ASAP2: variants seen among roughly 807,000 people sequenced by gnomAD.
ASAP2 encodes the protein ArfGAP with SH3 domain, ankyrin repeat and PH domain 2, also known as arf-GAP with SH3 domain, ANK repeat and PH domain-containing protein 2.
In ASAP2, 45 loss-of-function variants were observed where a neutral mutation model predicts 131.4. That is an observed-to-expected ratio of 0.34 (90% CI 0.27 to 0.44). ASAP2 has a LOEUF of 0.44. ASAP2 is among the 20% of genes least tolerant of loss of function. ASAP2 has a pLI of 1.00. For missense variants in ASAP2, 1,011 were observed against 1,297.0 expected (o/e 0.78, Z 3.39); for synonymous variants, 510 against 503.0 (o/e 1.01, Z -0.19).
intron 1 of ASAP2, among the ~76,000 whole-genome samples, chr2:9,215,261 G>A (rs551983631): frequency 2.5e-4 from 38 of 152,300 alleles, no homozygotes; most frequent in African/African-American, 9.1e-4. Context: ...GGTCGTCTGT[G>A]TGGTTCATTG....
At chr2:9,368,649 T>C (rs1163537938) in intron 16 of ASAP2, 130 bp downstream of exon 16, 3 of 724,094 alleles carry the variant, frequency 4.1e-6, no homozygotes, top group Non-Finnish European at 6.9e-6. Context: ...TCAGCCTATG[T>C]TGGGTTTTCT....
chr2:9,384,397 C>T (rs1675099709), intron 20 of ASAP2, among the ~76,000 whole-genome samples: 1 of 152,192 alleles, frequency 6.6e-6, no homozygotes, highest in Admixed American at 6.5e-5. Context: ...GCAGCAGACA[C>T]CAGCTGGCTG....
At chr2:9,229,781 G>C (rs975727790) in intron 1 of ASAP2, among the ~76,000 whole-genome samples, 1 of 152,254 alleles carries the variant, frequency 6.6e-6, no homozygotes, top group South Asian at 2.1e-4. Flanking sequence ...GAGCCTAAGA[G>C]GGGGAGACAG....
At chr2:9,350,749 G>T in intron 11 of ASAP2, 59 bp from the exon 12 acceptor site, 1 of 1,451,366 alleles carries the variant, frequency 6.9e-7, no homozygotes, top group South Asian at 1.2e-5. Context: ...GATACTGTAT[G>T]ATTTTCCATT....
At chr2:9,401,170 AG>A in intron 26 of ASAP2, 103 bp from the exon 27 acceptor site, 1 of 1,439,690 alleles carries the variant, frequency 6.9e-7, no homozygotes, top group Non-Finnish European at 9.6e-7. Context: ...TCTCAGGCCT[AG>A]GTACGGGACT....
At chr2:9,296,014 C>T (rs1294752462) in intron 2 of ASAP2, among the ~76,000 whole-genome samples, 2 of 152,210 alleles carry the variant, frequency 1.3e-5, no homozygotes, top group Non-Finnish European at 2.9e-5. Context: ...ACAGTGGTCT[C>T]ATTTCCCCGA....
chr2:9,279,132 A>T (rs1323309622), intron 1 of ASAP2, among the ~76,000 whole-genome samples, 185 bp from the exon 2 acceptor site: 1 of 152,192 alleles, frequency 6.6e-6, no homozygotes, highest in African/African-American at 2.4e-5. Context: ...CCAGTCTTCC[A>T]CACCACACTG....
rs113268385 is a variant in ASAP2, at chr2:9,316,943, A to C, written c.346-1581A>C. Among the ~76,000 whole-genome samples the C allele has an allele frequency of 7.9e-3, 518 of 65,400 alleles. 2 individuals are homozygous for C. The highest frequency in any genetic ancestry group is 0.03 in the African/African-American group (486 of 15,942). The allele number at this position is 65,400 out of a possible 152,430, so 42.9% of individuals were successfully genotyped here. On this transcript the variant is annotated intron_variant, in intron 3 of 27. Coordinates refer to ENST00000281419, the MANE Select transcript of ASAP2 (RefSeq NM_003887.3). ...CACACCCCCTCACAATCACACCCTC[A>C]CTCTCACACCCTCCCACACACCCCC...
intron 27 of ASAP2, among the ~76,000 whole-genome samples, chr2:9,402,021 A>G (rs912153420): frequency 6.6e-6 from 1 of 152,226 alleles, no homozygotes; most frequent in Non-Finnish European, 1.5e-5. Flanking sequence ...AACCGGCTTG[A>G]ATGGGGCGTG....
intron 2 of ASAP2, among the ~76,000 whole-genome samples, chr2:9,280,137 G>A (rs372161354): frequency 8.9e-4 from 136 of 152,360 alleles, no homozygotes; most frequent in African/African-American, 3.1e-3. Context: ...CTCAGGTGCA[G>A]ATAGAGTTTG....
At chr2:9,265,101 A>G (rs1392199940) in intron 1 of ASAP2, among the ~76,000 whole-genome samples, 3 of 152,268 alleles carry the variant, frequency 2.0e-5, no homozygotes, top group Non-Finnish European at 2.9e-5. Flanking sequence ...ACACCACTGC[A>G]CTTCAGCCTG....
chr2:9,321,900 T>C (rs1670169822), intron 5 of ASAP2, among the ~76,000 whole-genome samples: 1 of 152,326 alleles, frequency 6.6e-6, no homozygotes, highest in Non-Finnish European at 1.5e-5. Context: ...AATAATTCTT[T>C]ATTAATGTGG....
rs530763176 is a variant in ASAP2 at position 9,321,214 on chromosome 2, T to TA, written c.470+887dup. 1.8e-4 allele frequency among the ~76,000 whole-genome samples: 27 copies of TA among 150,258 alleles called. No individual in the cohort carries two copies. In the East Asian group the frequency reaches 2.3e-3, roughly 13 times the overall value. On this transcript the variant is annotated intron_variant, in intron 5 of 27. Transcript: ENST00000281419. ...AGTACAAGTATTTCATTAGATTGTT[T>TA]AAAAAAAAAATAGCTCAGGATATCT...
rs1661184097 is a variant in ASAP2, at chr2:9,207,299, A to T, written c.126+69A>T. On this transcript the variant is annotated intron_variant, in intron 1 of 27. Coordinates refer to ENST00000281419, the MANE Select transcript of ASAP2 (RefSeq NM_003887.3). This position sits in a 1 kb window ranked among gnomAD's most constrained non-coding sequence, Gnocchi z 4.1. ...CCCCAGCCCCGCCCGCCGCTCCCGCATCCGCATCCCGAGAAAACTTTCTTT... is the reference window on the plus strand; with the variant it reads ...CCCCAGCCCCGCCCGCCGCTCCCGCTTCCGCATCCCGAGAAAACTTTCTTT... The T allele has an allele frequency of 3.5e-6, 5 of 1,446,782 alleles. No individual in the cohort carries two copies. Among genetic ancestry groups the T allele is most frequent in the Non-Finnish European group, 3.6e-6 (4 of 1,101,940 alleles). The allele number at this position is 1,446,782 out of a possible 1,614,324, so 89.6% of individuals were successfully genotyped here.
At chr2:9,398,444 C>T (rs555152479) in intron 24 of ASAP2, among the ~76,000 whole-genome samples, 6 of 152,052 alleles carry the variant, frequency 3.9e-5, no homozygotes, top group South Asian at 2.1e-4. Flanking sequence ...CCAGGAGTTC[C>T]GAGGCTGCGG....
Position 9,322,344 on chromosome 2 carries a change from G to T in ASAP2, c.471-777G>T, listed in dbSNP as rs1051416822. ...ATTTCATCACTGGATGCCTTTGAAAGAACATGCTACTTGGGTCTTCTGGTG... is the reference window on the plus strand; with the variant it reads ...ATTTCATCACTGGATGCCTTTGAAATAACATGCTACTTGGGTCTTCTGGTG... On this transcript the variant is annotated intron_variant, in intron 5 of 27. Transcript: ENST00000281419. Among the ~76,000 whole-genome samples, 3 of 152,340 alleles carry T rather than the reference G, an allele frequency of 2.0e-5. No individual in the cohort carries two copies. In the East Asian group the frequency reaches 5.8e-4, roughly 29 times the overall value.
intron 1 of ASAP2, among the ~76,000 whole-genome samples, chr2:9,229,690 G>A (rs1663019259): frequency 6.6e-6 from 1 of 152,248 alleles, no homozygotes; most frequent in Non-Finnish European, 1.5e-5. Flanking sequence ...GAGCACTGGA[G>A]GGAATTGGTT....
chr2:9,389,689 G>A lies in ASAP2; in HGVS notation c.2383+1143G>A, dbSNP rs963267749. On this transcript the variant is annotated intron_variant, in intron 22 of 27. Coordinates refer to ENST00000281419, the MANE Select transcript of ASAP2 (RefSeq NM_003887.3). This position sits in a 1 kb window ranked among gnomAD's most constrained non-coding sequence, Gnocchi z 4.7. ...CATGTGAGTCACTGAGTCATACCCC[G>A]AAGAACAAACCTGCTGAGAGCAGAC... Among the ~76,000 whole-genome samples the A allele has an allele frequency of 2.0e-5, 3 of 152,144 alleles. No individual in the cohort carries two copies. Among genetic ancestry groups the A allele is most frequent in the African/African-American group, 7.2e-5 (3 of 41,416 alleles).
At chr2:9,361,516 CTTTCT>C (rs955940446) in intron 15 of ASAP2, among the ~76,000 whole-genome samples, 5 of 152,072 alleles carry the variant, frequency 3.3e-5, no homozygotes, top group Non-Finnish European at 7.4e-5. Context: ...AGGCTTCTTT[CTTTCT>C]TTTCTTTTCT....
Sources: gnomAD v4.1 joint callset for allele counts (sites outside exome capture counted in the v4.1 genomes callset) on GRCh38, gnomAD v4.1.1 for gene constraint, Gnocchi (gnomAD v3.1) non-coding constraint, MANE v1.5 for transcripts, NCBI Gene and HGNC (gene_info 2026-07-23, HGNC 2026-07-21) for gene names.